The following FRMD5 variants were observed in gnomAD, a reference collection of about 807,000 sequenced individuals.
The protein encoded by FRMD5 is FERM domain containing 5, also known as FERM domain-containing protein 5.
In FRMD5, 20 loss-of-function variants were observed where a neutral mutation model predicts 69.0. That is an observed-to-expected ratio of 0.29 (90% confidence interval 0.20 to 0.42). The LOEUF is 0.42. Among genes scored for constraint, FRMD5 ranks in the 10% least tolerant of loss-of-function variants. The pLI is 1.00. For synonymous variants in FRMD5, 271 were observed against 260.1 expected, an observed-to-expected ratio of 1.04 and a Z score of -0.40; for missense variants, 595 against 708.6, an observed-to-expected ratio of 0.84 and a Z score of 1.82.
rs1281145907 is a variant in FRMD5 at position 44,117,442 on chromosome 15, C to T, written c.102+77511G>A. On this transcript the variant is annotated intron_variant, in intron 1 of 13. Transcript: ENST00000417257. ...CCATCTAATAAAGAGTTGGGGAGGACAAGATGAAAGGGAAAAAAATCAGAT... is the reference window on the plus strand; with the variant it reads ...CCATCTAATAAAGAGTTGGGGAGGATAAGATGAAAGGGAAAAAAATCAGAT... Among the ~76,000 whole-genome samples, 3 of 151,858 alleles carry T rather than the reference C, an allele frequency of 2.0e-5. No homozygotes were observed. The East Asian group carries it at 5.8e-4, about 29-fold the overall frequency.
chr15:43,932,339 C>T (rs7181286), intron 1 of FRMD5, among the ~76,000 whole-genome samples: 4,066 of 152,214 alleles, frequency 0.027, 169 homozygotes, highest in African/African-American at 0.092. Context: ...GGAAATATGC[C>T]CAAAGTGGCT....
At chr15:43,900,969 A>C (rs1490486619) in intron 7 of FRMD5, among the ~76,000 whole-genome samples, 1 of 152,164 alleles carries the variant, frequency 6.6e-6, no homozygotes, top group Non-Finnish European at 1.5e-5. Flanking sequence ...ATATGTTGAC[A>C]TTGTAACCCT....
chr15:43,905,803 C>A (rs771229518), intron 6 of FRMD5, 25 bp downstream of exon 6: 35 of 1,613,196 alleles, frequency 2.2e-5, no homozygotes, highest in East Asian at 2.2e-5. Context: ...CCACAATGTT[C>A]TGGGCCTGAT....
intron 1 of FRMD5, among the ~76,000 whole-genome samples, chr15:44,021,260 T>C (rs1042398200): frequency 6.6e-6 from 1 of 152,220 alleles, no homozygotes; most frequent in African/African-American, 2.4e-5. Flanking sequence ...CACACCAGCC[T>C]GGGCAAGACC....
At chr15:44,028,434 G>C (rs1338958938) in intron 1 of FRMD5, among the ~76,000 whole-genome samples, 1 of 152,194 alleles carries the variant, frequency 6.6e-6, no homozygotes, top group African/African-American at 2.4e-5. Flanking sequence ...CAAAGGCCAA[G>C]TGCCCACTCC....
At chr15:43,983,779 C>G (rs1305059025) in intron 1 of FRMD5, among the ~76,000 whole-genome samples, 5 of 152,176 alleles carry the variant, frequency 3.3e-5, no homozygotes, top group Non-Finnish European at 7.3e-5. Flanking sequence ...GTCCTCCCCC[C>G]ATCCACCGTC....
rs1385957048 is a variant in FRMD5 at position 43,873,984 on chromosome 15, G to T, written c.1614C>A (p.Thr538=). 6.2e-7 allele frequency: 1 copy of T among 1,614,204 alleles called. No individual in the cohort carries two copies. The highest frequency in any genetic ancestry group is 8.5e-7 in the Non-Finnish European group (1 of 1,180,038). ...DIAFFRDIRQ[T]PEFEQFHYQY... ...GATAGTGGAATTGTTCAAACTCGGG[G>T]GTCTGGCGGATATCACGGAAAAAGG... Residue 538 remains threonine (T), a synonymous_variant, in exon 14 of 14, where the codon ACC becomes ACA. Coordinates refer to ENST00000417257, the MANE Select transcript of FRMD5 (RefSeq NM_032892.5).
intron 1 of FRMD5, among the ~76,000 whole-genome samples, chr15:44,166,783 CA>C (rs1006711939): frequency 0.037 from 1,965 of 53,004 alleles, 13 homozygotes; most frequent in African/African-American, 0.09. Context: ...GACCCTATCT[CA>C]AAAAAAAAAA....
chr15:44,136,798 G>A (rs552293107), intron 1 of FRMD5, among the ~76,000 whole-genome samples: 213 of 152,152 alleles, frequency 1.4e-3, no homozygotes, highest in African/African-American at 4.8e-3. Context: ...GGAACAAAAC[G>A]AAATCATTTG....
chr15:43,909,754 A>G, intron 5 of FRMD5, 128 bp downstream of exon 5: 1 of 578,428 alleles, frequency 1.7e-6, no homozygotes, highest in Admixed American at 2.6e-5. Context: ...TGCTAGGACT[A>G]CAAGCGTGAG....
At chr15:44,037,472 T>C (rs1255860008) in intron 1 of FRMD5, among the ~76,000 whole-genome samples, 1 of 148,626 alleles carries the variant, frequency 6.7e-6, no homozygotes, top group African/African-American at 2.5e-5. Context: ...CTTTTCTCTT[T>C]TTTTTTTTTT....
chr15:44,010,587 G>A (rs976451991), intron 1 of FRMD5, among the ~76,000 whole-genome samples: 1 of 152,032 alleles, frequency 6.6e-6, no homozygotes, highest in Admixed American at 6.6e-5. Context: ...GTTTCACCAT[G>A]TTGGCCAGGC....
intron 1 of FRMD5, among the ~76,000 whole-genome samples, chr15:44,133,534 C>T (rs2077135261): frequency 7.0e-6 from 1 of 142,732 alleles, no homozygotes; most frequent in Non-Finnish European, 1.5e-5. Flanking sequence ...TGAGATCGCA[C>T]CACTGCACTC....
At chr15:44,095,269 T>C (rs1018747412) in intron 1 of FRMD5, among the ~76,000 whole-genome samples, 1 of 151,780 alleles carries the variant, frequency 6.6e-6, no homozygotes, top group African/African-American at 2.4e-5. Flanking sequence ...GTGGTACAAC[T>C]GTGGTTCACT....
chr15:43,981,067 G>A (rs951856852), intron 1 of FRMD5, among the ~76,000 whole-genome samples: 1 of 152,176 alleles, frequency 6.6e-6, no homozygotes, highest in Non-Finnish European at 1.5e-5. Context: ...CCAGGCTGGA[G>A]TGCAGTGATG....
chr15:44,148,769 C>A (rs1042391592), intron 1 of FRMD5, among the ~76,000 whole-genome samples: 3 of 152,148 alleles, frequency 2.0e-5, no homozygotes, highest in Admixed American at 2.0e-4. Context: ...AAACATAACT[C>A]TTTTATGCAC....
intron 1 of FRMD5, among the ~76,000 whole-genome samples, chr15:43,994,668 G>A (rs1889839383): frequency 6.6e-6 from 1 of 152,224 alleles, no homozygotes; most frequent in Admixed American, 6.5e-5. Context: ...CTGACCTCAA[G>A]TGATCTACCA....
chr15:44,081,163 T>C (rs1218929187), intron 1 of FRMD5, among the ~76,000 whole-genome samples: 1 of 152,070 alleles, frequency 6.6e-6, no homozygotes, highest in East Asian at 1.9e-4. Flanking sequence ...CTAACCCTAT[T>C]TTAGTTTGGC....
At position 44,195,057 on chromosome 15, in the gene FRMD5, T is replaced by TCCCG. The variant is rs751449661; in HGVS notation, c.-7_-4dup. 108 of 1,474,370 alleles carry TCCCG rather than the reference T, an allele frequency of 7.3e-5. No individual in the cohort carries two copies. The highest frequency in any genetic ancestry group is 1.7e-4 in the African/African-American group (12 of 69,128). 91.3% of individuals were successfully genotyped at this position (1,474,370 alleles called of 1,614,324 possible). On this transcript the variant is annotated 5_prime_UTR_variant, in exon 1 of 14. Transcript: ENST00000417257. The stretch of plus-strand genomic sequence containing the variant: ...CCGCTCATCAACCTGCTCAGCATCT[T>TCCCG]CCCGCCCGCCCGCCCGGGAGCGACG...
Sources: gnomAD v4.1 joint callset for allele counts (sites outside exome capture counted in the v4.1 genomes callset) on GRCh38, gnomAD v4.1.1 for gene constraint, MANE v1.5 for transcripts, NCBI Gene and HGNC (gene_info 2026-07-23, HGNC 2026-07-21) for gene names.